The following XPO7 variants were observed in gnomAD, a reference collection of about 807,000 sequenced individuals.
XPO7 encodes exportin-7.
In XPO7, 21 loss-of-function variants were observed where a neutral mutation model predicts 144.3. The ratio of observed to expected loss-of-function variants is 0.15; its 90% confidence interval spans 0.10 to 0.21. The LOEUF (loss-of-function observed/expected upper bound fraction) is 0.21, where lower values mean the gene tolerates loss of function less well. Ranked by LOEUF, XPO7 falls within the 10% of genes least tolerant of loss-of-function variation. The pLI is 1.00. For synonymous variants in XPO7, 580 were observed against 499.6 expected (o/e 1.16, Z -2.15); for missense variants, 808 against 1,325.8 (o/e 0.61, Z 6.06).
At chr8:21,965,070 CTT>C (rs1359526512) in intron 1 of XPO7, among the ~76,000 whole-genome samples, 10 of 151,954 alleles carry the variant, frequency 6.6e-5, no homozygotes, top group Non-Finnish European at 1.5e-4. Context: ...TTTATAGCAG[CTT>C]ACGTTTTAGT....
intron 19 of XPO7, among the ~76,000 whole-genome samples, chr8:21,992,249 C>T (rs1397341209): frequency 6.6e-6 from 1 of 151,974 alleles, no homozygotes; most frequent in Non-Finnish European, 1.5e-5. Context: ...CATTTTTAAT[C>T]TCGGTTTTAT....
At chr8:21,965,571 G>A (rs1346497915) in intron 1 of XPO7, among the ~76,000 whole-genome samples, 1 of 152,152 alleles carries the variant, frequency 6.6e-6, no homozygotes, top group African/African-American at 2.4e-5. Flanking sequence ...TAAGGGCAAG[G>A]TTGTTGTTTT....
At chr8:21,941,904 T>G (rs1811005459) in intron 1 of XPO7, among the ~76,000 whole-genome samples, 1 of 151,192 alleles carries the variant, frequency 6.6e-6, no homozygotes, top group Admixed American at 6.6e-5. Context: ...AGGCTGCCAA[T>G]TTTTTTTTCT....
At chr8:21,930,180 C>G (rs1158401161) in intron 1 of XPO7, among the ~76,000 whole-genome samples, 1 of 152,140 alleles carries the variant, frequency 6.6e-6, no homozygotes, top group Non-Finnish European at 1.5e-5. Context: ...TATGTACACC[C>G]TAAATGTTCA....
chr8:21,962,708 G>T (rs1323118864), intron 1 of XPO7, among the ~76,000 whole-genome samples: 1 of 151,980 alleles, frequency 6.6e-6, no homozygotes, highest in African/African-American at 2.4e-5. Flanking sequence ...ATTCATCTAG[G>T]TTTTCTTCTA....
intron 4 of XPO7, among the ~76,000 whole-genome samples, chr8:21,971,540 C>T (rs1812063431): frequency 6.6e-6 from 1 of 152,068 alleles, no homozygotes; most frequent in South Asian, 2.1e-4. Flanking sequence ...TTTATGCATT[C>T]TCTTTATAAA....
At chr8:21,968,983 G>C (rs1811968008) in intron 2 of XPO7, among the ~76,000 whole-genome samples, 2 of 152,180 alleles carry the variant, frequency 1.3e-5, no homozygotes, top group Non-Finnish European at 2.9e-5. Flanking sequence ...CTGATTGATA[G>C]CTGCGCTGAT....
Position 22,004,165 on chromosome 8 carries a change from G to T in XPO7, c.3170+135G>T, listed in dbSNP as rs542477097. On this transcript the variant is annotated intron_variant, in intron 27 of 27. Transcript: ENST00000252512. Reference sequence around the variant, plus strand: ...AAGCAATGCAATGCAATAGAAAAGTGAGCCATGTTAAACAGGCAAAATTCA... The same window carrying T: ...AAGCAATGCAATGCAATAGAAAAGTTAGCCATGTTAAACAGGCAAAATTCA... The T allele has an allele frequency of 5.3e-4, 612 of 1,156,984 alleles. 5 individuals carry two copies. In the South Asian group the frequency reaches 6.8e-3, roughly 13 times the overall value. 71.7% of individuals were successfully genotyped at this position (1,156,984 alleles called of 1,614,324 possible). A position where few individuals can be genotyped will look rare whatever the true frequency, so the allele number is the denominator to read the frequency against.
At chr8:21,935,903 C>T (rs1279572872) in intron 1 of XPO7, among the ~76,000 whole-genome samples, 1 of 152,140 alleles carries the variant, frequency 6.6e-6, no homozygotes. Flanking sequence ...CAGCTTTCCT[C>T]ATTTTTTGGT....
chr8:21,939,750 A>G (rs1236223969), intron 1 of XPO7, among the ~76,000 whole-genome samples: 1 of 152,224 alleles, frequency 6.6e-6, no homozygotes, highest in African/African-American at 2.4e-5. Flanking sequence ...CAGAGTGGCA[A>G]GAAATGAGAC....
chr8:21,940,124 G>T (rs1393451565), intron 1 of XPO7, among the ~76,000 whole-genome samples: 2 of 152,130 alleles, frequency 1.3e-5, no homozygotes, highest in East Asian at 3.9e-4. Flanking sequence ...CAGAGAGATT[G>T]ATCAAATATG....
chr8:21,944,779 G>A (rs4626596), intron 1 of XPO7, among the ~76,000 whole-genome samples: 54,210 of 151,590 alleles, frequency 0.36, 10,196 homozygotes, highest in Non-Finnish European at 0.42. Context: ...TTGTGTCTCC[G>A]GGTACTTGAG....
chr8:21,985,795 G>A (rs893477895), intron 13 of XPO7, 104 bp downstream of exon 13: 6 of 940,110 alleles, frequency 6.4e-6, no homozygotes, highest in Admixed American at 1.9e-5. Flanking sequence ...CATGCTAACT[G>A]CCCATGAGAC....
chr8:21,931,243 A>T (rs1295327963), intron 1 of XPO7, among the ~76,000 whole-genome samples: 4 of 151,214 alleles, frequency 2.6e-5, no homozygotes, highest in Non-Finnish European at 4.4e-5. Context: ...GCTCACTGCA[A>T]CCTCCGCCTC....
At chr8:21,995,896 G>A (rs1445209915) in intron 21 of XPO7, among the ~76,000 whole-genome samples, 1 of 152,068 alleles carries the variant, frequency 6.6e-6, no homozygotes, top group Non-Finnish European at 1.5e-5. Context: ...CTCACTGCAA[G>A]CTCCATCCCC....
At position 21,992,396 on chromosome 8, in the gene XPO7, A is replaced by G. The variant is rs180824089; in HGVS notation, c.2148+422A>G. 7.2e-5 allele frequency among the ~76,000 whole-genome samples: 11 copies of G among 152,326 alleles called. No individual in the cohort carries two copies. In the East Asian group the frequency reaches 1.5e-3, roughly 21 times the overall value. On this transcript the variant is annotated intron_variant, in intron 19 of 27. Coordinates refer to ENST00000252512, the MANE Select transcript of XPO7 (RefSeq NM_015024.5). ...TACAGTTCAGTGATGTCAAGTTTCT[A>G]CATTGTTGTGAAATAGATCTTCAGA... is the stretch of plus-strand genomic sequence containing the variant.
intron 1 of XPO7, among the ~76,000 whole-genome samples, chr8:21,945,307 C>CAT (rs777743750): frequency 5.3e-5 from 8 of 152,152 alleles, no homozygotes; most frequent in Non-Finnish European, 8.8e-5. Flanking sequence ...AAAGGAAACT[C>CAT]ATATAAAAAA....
intron 16 of XPO7, among the ~76,000 whole-genome samples, 198 bp downstream of exon 16, chr8:21,989,281 A>T (rs1310835701): frequency 6.6e-6 from 1 of 152,220 alleles, no homozygotes; most frequent in Non-Finnish European, 1.5e-5. Context: ...ATGAGCTGAC[A>T]CCCAACCTGA....
chr8:21,957,181 A>G (rs1811563121), intron 1 of XPO7, among the ~76,000 whole-genome samples: 1 of 152,080 alleles, frequency 6.6e-6, no homozygotes, highest in South Asian at 2.1e-4. Flanking sequence ...TAGTGAGGGA[A>G]GACTCAGCGG....
Sources: gnomAD v4.1 joint callset for allele counts (sites outside exome capture counted in the v4.1 genomes callset) on GRCh38, gnomAD v4.1.1 for gene constraint, MANE v1.5 for transcripts, NCBI Gene and HGNC (gene_info 2026-07-23, HGNC 2026-07-21) for gene names.